FBXW11: variants seen among roughly 807,000 people sequenced by gnomAD.
FBXW11 encodes the protein F-box and WD repeat domain containing 11, also known as F-box/WD repeat-containing protein 11.
FBXW11 carries 19 observed loss-of-function variants against 77.6 expected under a neutral mutation model. That is an observed-to-expected ratio of 0.24 (90% CI 0.17 to 0.36). FBXW11 has a LOEUF of 0.36. Ranked by LOEUF, FBXW11 falls within the 10% of genes least tolerant of loss-of-function variation. The probability of loss-of-function intolerance (pLI) is 1.00; values close to 1 mark genes in which losing one functional copy is unlikely to be tolerated. For synonymous variants in FBXW11, 235 were observed against 249.4 expected (o/e 0.94, Z 0.54); for missense variants, 334 against 704.2 (o/e 0.47, Z 5.95).
intron 3 of FBXW11, 86 bp from the exon 4 acceptor site, chr5:171,910,883 T>A: frequency 1.0e-6 from 1 of 975,830 alleles, no homozygotes; most frequent in Non-Finnish European, 1.5e-6. Flanking sequence ...TCACCCTGTG[T>A]ATTTAATCTT....
intron 1 of FBXW11, among the ~76,000 whole-genome samples, chr5:171,974,788 C>CCAAGTCTAACACTA (rs1764730672): frequency 6.6e-6 from 1 of 152,086 alleles, no homozygotes; most frequent in Non-Finnish European, 1.5e-5. Context: ...GGTTAAGATC[C>CCAAGTCTAACACTA]CAAGTCTAAC....
chr5:171,864,460 A>G (rs957291138), intron 13 of FBXW11, among the ~76,000 whole-genome samples: 4 of 152,244 alleles, frequency 2.6e-5, no homozygotes, highest in African/African-American at 7.2e-5. Flanking sequence ...AAGTACACAT[A>G]TAACAAAAGA....
intron 2 of FBXW11, among the ~76,000 whole-genome samples, chr5:171,953,210 G>T (rs1218306486): frequency 1.3e-4 from 20 of 152,082 alleles, no homozygotes; most frequent in Admixed American, 1.3e-3. Context: ...TGCGAAGGCT[G>T]GTCTCAAACT....
chr5:171,993,033 T>C (rs893096236), intron 1 of FBXW11, among the ~76,000 whole-genome samples: 7 of 151,858 alleles, frequency 4.6e-5, no homozygotes, highest in African/African-American at 1.7e-4. Flanking sequence ...AATGTACTAA[T>C]CTGTCTAAAA....
intron 2 of FBXW11, among the ~76,000 whole-genome samples, chr5:171,955,042 C>T (rs944651192): frequency 2.7e-4 from 41 of 152,158 alleles, no homozygotes; most frequent in African/African-American, 9.4e-4. Flanking sequence ...ATAAGAACAC[C>T]TACTTCACAG....
chr5:171,870,429 T>C (rs1047635945), intron 11 of FBXW11, among the ~76,000 whole-genome samples: 2 of 152,140 alleles, frequency 1.3e-5, no homozygotes, highest in African/African-American at 2.4e-5. Flanking sequence ...CCTGGCTTAA[T>C]TTAGGGATAA....
chr5:171,935,891 A>C (rs1762449099), intron 2 of FBXW11, among the ~76,000 whole-genome samples: 1 of 151,946 alleles, frequency 6.6e-6, no homozygotes, highest in South Asian at 2.1e-4. Context: ...CGGGCTGATC[A>C]CCTGAGGTCA....
At chr5:171,880,073 A>T (rs141876017) in intron 7 of FBXW11, among the ~76,000 whole-genome samples, 1,604 of 152,334 alleles carry the variant, frequency 0.011, 11 homozygotes, top group Non-Finnish European at 0.018. Context: ...TGTGTTTTAC[A>T]GTCAGGTCTT....
At chr5:171,968,531 G>A (rs1030804918) in intron 1 of FBXW11, among the ~76,000 whole-genome samples, 1 of 151,576 alleles carries the variant, frequency 6.6e-6, no homozygotes. Flanking sequence ...CAATGCTTCT[G>A]GCTTCTAGAT....
intron 1 of FBXW11, among the ~76,000 whole-genome samples, chr5:171,974,702 C>T (rs868288175): frequency 1.3e-5 from 2 of 152,228 alleles, no homozygotes; most frequent in Non-Finnish European, 1.5e-5. Context: ...TGCACTTCAG[C>T]CTGGGCAACA....
chr5:171,892,614 G>A (rs1027304685), intron 6 of FBXW11, among the ~76,000 whole-genome samples: 20 of 152,212 alleles, frequency 1.3e-4, no homozygotes, highest in Admixed American at 1.3e-4. Context: ...GGGAGATAAT[G>A]AGCTCTATAG....
rs112116581 is a variant in FBXW11, at chr5:171,966,031, C to T, written c.46-8333G>A. Among the ~76,000 whole-genome samples the T allele has an allele frequency of 2.8e-3, 429 of 152,222 alleles. 3 individuals are homozygous for T. Among genetic ancestry groups the T allele is most frequent in the South Asian group, 0.011 (51 of 4,818 alleles). On this transcript the variant is annotated intron_variant, in intron 1 of 13. Coordinates refer to ENST00000517395, the MANE Select transcript of FBXW11 (RefSeq NM_001378974.1). ...GTAAGACATGCTTGTTTCCCCTTTG[C>T]CTTCAGCCATGATTGTAAGTTTCCT...
At position 171,881,870 on chromosome 5, in the gene FBXW11, T is replaced by C. The variant is rs767074882; in HGVS notation, c.853-3741A>G. On this transcript the variant is annotated intron_variant, in intron 7 of 13. Coordinates refer to ENST00000517395, the MANE Select transcript of FBXW11 (RefSeq NM_001378974.1). Reference sequence around the variant, plus strand: ...ATCAAATTTGTAAACAGGGAGTTGATCATATTATTTTATTATTCATTTAAC... The same window carrying C: ...ATCAAATTTGTAAACAGGGAGTTGACCATATTATTTTATTATTCATTTAAC... 8.2e-4 allele frequency among the ~76,000 whole-genome samples: 125 copies of C among 152,230 alleles called. 1 individual carries two copies. The highest frequency in any genetic ancestry group is 1.6e-3 in the Non-Finnish European group (107 of 68,034).
intron 2 of FBXW11, among the ~76,000 whole-genome samples, chr5:171,924,465 A>AT (rs772688952): frequency 5.3e-5 from 8 of 152,220 alleles, no homozygotes; most frequent in Non-Finnish European, 8.8e-5. Flanking sequence ...GACTATGCCC[A>AT]TTTTGAGTGC....
chr5:171,941,969 C>T (rs1161971298), intron 2 of FBXW11, among the ~76,000 whole-genome samples: 5 of 150,680 alleles, frequency 3.3e-5, no homozygotes, highest in African/African-American at 9.8e-5. Flanking sequence ...GGGATATGAG[C>T]TCATAGTTTG....
rs1254831583 is a variant in FBXW11, at chr5:171,863,261, C to G, written c.*866G>C. On this transcript the variant is annotated 3_prime_UTR_variant, in exon 14 of 14. Coordinates refer to ENST00000517395, the MANE Select transcript of FBXW11 (RefSeq NM_001378974.1). Reference sequence around the variant, plus strand: ...AGGTATCAGGTTCTTGAGCCCAGCCCATGGCTAAGTGCGAACACACTCTGT... The same window carrying G: ...AGGTATCAGGTTCTTGAGCCCAGCCGATGGCTAAGTGCGAACACACTCTGT... The G allele has an allele frequency of 6.5e-6, 1 of 152,752 alleles. No homozygotes were observed. The allele number at this position is 152,752 out of a possible 1,614,324, so 9.5% of individuals were successfully genotyped here.
At position 171,957,134 on chromosome 5, in the gene FBXW11, C is replaced by T. The variant is rs140022677; in HGVS notation, c.147+463G>A. On this transcript the variant is annotated intron_variant, in intron 2 of 13. Coordinates refer to ENST00000517395, the MANE Select transcript of FBXW11 (RefSeq NM_001378974.1). ...GATCTTTATAAACTTCAGTTTGAGGCTTTATGCCAGTAGTGATTCCCTCCC... is the reference window on the plus strand; with the variant it reads ...GATCTTTATAAACTTCAGTTTGAGGTTTTATGCCAGTAGTGATTCCCTCCC... Among the ~76,000 whole-genome samples, 17 of 152,264 alleles carry T rather than the reference C, an allele frequency of 1.1e-4. No individual in the cohort carries two copies. The East Asian group carries it at 3.3e-3, about 29-fold the overall frequency.
chr5:171,967,133 C>T (rs1764232990), intron 1 of FBXW11, among the ~76,000 whole-genome samples: 1 of 152,214 alleles, frequency 6.6e-6, no homozygotes, highest in Non-Finnish European at 1.5e-5. Context: ...ATCTATATTG[C>T]TGATTGATAC....
chr5:171,931,344 G>C (rs1762179760), intron 2 of FBXW11, among the ~76,000 whole-genome samples: 2 of 152,210 alleles, frequency 1.3e-5, no homozygotes, highest in Admixed American at 6.5e-5. Context: ...ACAGAATACA[G>C]AGCTAGGTCA....
Sources: allele counts gnomAD v4.1 joint callset (sites outside exome capture counted in the v4.1 genomes callset), GRCh38; gene constraint gnomAD v4.1.1; transcripts MANE v1.5; gene names NCBI Gene and HGNC (gene_info 2026-07-23, HGNC 2026-07-21).